Variants in NPSR1 observed in about 807,000 individuals in gnomAD.
NPSR1 encodes the protein neuropeptide S receptor 1, also known as neuropeptide S receptor.
Under a neutral mutation model 46.9 loss-of-function variants are expected in NPSR1, and 48 were observed. The ratio of observed to expected loss-of-function variants is 1.02; its 90% CI spans 0.81 to 1.30. The LOEUF is 1.30. Ranked by LOEUF, NPSR1 falls within the 50% of genes most tolerant of loss-of-function variation. The probability of loss-of-function intolerance (pLI) is 0.00; values close to 1 mark genes in which losing one functional copy is unlikely to be tolerated. For synonymous variants in NPSR1, 176 were observed against 168.1 expected (o/e 1.05, Z -0.36); for missense variants, 450 against 449.5 (o/e 1.00, Z -0.01).
chr7:34,801,784 T>C (rs1177049115), intron 3 of NPSR1, among the ~76,000 whole-genome samples: 1 of 149,044 alleles, frequency 6.7e-6, no homozygotes, highest in Non-Finnish European at 1.5e-5. Flanking sequence ...AAATTGTCCC[T>C]GTTTGCAGAT....
chr7:34,700,508 A>G (rs1186284948), intron 2 of NPSR1, among the ~76,000 whole-genome samples: 1 of 152,210 alleles, frequency 6.6e-6, no homozygotes, highest in Non-Finnish European at 1.5e-5. Flanking sequence ...AAGTAAGAGC[A>G]TGAAAAGATG....
intron 2 of NPSR1, among the ~76,000 whole-genome samples, chr7:34,773,149 T>C (rs1334024027): frequency 6.6e-6 from 1 of 152,166 alleles, no homozygotes; most frequent in African/African-American, 2.4e-5. Flanking sequence ...CTAAGACCTA[T>C]GTATACTTCC....
intron 2 of NPSR1, among the ~76,000 whole-genome samples, chr7:34,764,112 G>GAATCA (rs1554324770): frequency 1.3e-5 from 2 of 152,114 alleles, no homozygotes; most frequent in African/African-American, 2.4e-5. Context: ...ATGCAAAAAA[G>GAATCA]AATCAAATCA....
intron 1 of NPSR1, among the ~76,000 whole-genome samples, chr7:34,665,723 C>T (rs1037202976): frequency 2.6e-5 from 4 of 152,182 alleles, no homozygotes; most frequent in African/African-American, 9.7e-5. Flanking sequence ...CATCACTACC[C>T]TTCTGCTCCT....
At chr7:34,674,706 G>A (rs1409338007) in intron 1 of NPSR1, among the ~76,000 whole-genome samples, 1 of 152,090 alleles carries the variant, frequency 6.6e-6, no homozygotes, top group Non-Finnish European at 1.5e-5. Context: ...AAAACATGAG[G>A]GGCACGGAAA....
Position 34,790,861 on chromosome 7 carries a change from T to TATACATC in NPSR1, c.384+12299_384+12300insCATCATA, listed in dbSNP as rs1491335411. On this transcript the variant is annotated intron_variant, in intron 3 of 8. Coordinates refer to ENST00000360581, the MANE Select transcript of NPSR1 (RefSeq NM_207172.2). Reference sequence around the variant, plus strand: ...GTTATATATATGTTATATGTTATGTTATATATGTTATATGTTATATTATAT... The same window carrying TATACATC: ...GTTATATATATGTTATATGTTATGTTATACATCATATATGTTATATGTTATATTATAT... 8.5e-4 allele frequency among the ~76,000 whole-genome samples: 98 copies of TATACATC among 115,814 alleles called. 14 individuals are homozygous for TATACATC. The highest frequency in any genetic ancestry group is 1.2e-3 in the Non-Finnish European group (71 of 57,850). The allele number at this position is 115,814 out of a possible 152,430, so 76.0% of individuals were successfully genotyped here.
intron 2 of NPSR1, chr7:34,758,022 G>A (rs112797926): frequency 2.0e-5 from 3 of 152,610 alleles, no homozygotes; most frequent in African/African-American, 7.2e-5. Context: ...GACCATAACT[G>A]GTGTTTCAAT....
At chr7:34,792,629 G>A (rs571690806) in intron 3 of NPSR1, among the ~76,000 whole-genome samples, 1 of 103,296 alleles carries the variant, frequency 9.7e-6, no homozygotes, top group African/African-American at 3.3e-5. Context: ...ATATGTGTGT[G>A]TGTGTGTATG....
intron 2 of NPSR1, among the ~76,000 whole-genome samples, chr7:34,746,000 G>A (rs985954814): frequency 8.5e-5 from 13 of 152,146 alleles, no homozygotes; most frequent in African/African-American, 3.1e-4. Context: ...TATAAAAATA[G>A]TTTTTGCCTA....
chr7:34,786,386 A>G (rs141136307), intron 3 of NPSR1, among the ~76,000 whole-genome samples: 1 of 152,218 alleles, frequency 6.6e-6, no homozygotes, highest in East Asian at 1.9e-4. Flanking sequence ...TTCTCTTGCT[A>G]TTTCCACCAC....
At chr7:34,803,607 A>G (rs1788536214) in intron 3 of NPSR1, among the ~76,000 whole-genome samples, 2 of 151,974 alleles carry the variant, frequency 1.3e-5, no homozygotes, top group South Asian at 4.2e-4. Flanking sequence ...TAGGAGATAT[A>G]CCTAATGCTA....
chr7:34,829,250 C>A (rs1420885615), intron 5 of NPSR1, among the ~76,000 whole-genome samples: 2 of 152,204 alleles, frequency 1.3e-5, no homozygotes, highest in Non-Finnish European at 2.9e-5. Context: ...CACATAGTGA[C>A]CTCAAAAGCC....
intron 2 of NPSR1, among the ~76,000 whole-genome samples, chr7:34,731,244 G>A (rs1234138854): frequency 6.6e-6 from 1 of 151,906 alleles, no homozygotes. Flanking sequence ...TCAATAAGTA[G>A]AAGATAAATA....
At chr7:34,769,935 G>A (rs549147284) in intron 2 of NPSR1, among the ~76,000 whole-genome samples, 1 of 152,166 alleles carries the variant, frequency 6.6e-6, no homozygotes, top group Non-Finnish European at 1.5e-5. Flanking sequence ...TCATTTAGGA[G>A]CAGTTTATCT....
At chr7:34,685,861 C>G (rs1303577057) in intron 2 of NPSR1, 1 of 226,222 alleles carries the variant, frequency 4.4e-6, no homozygotes, top group Admixed American at 5.7e-5. Context: ...AAGATGGAAC[C>G]TGGGATGGGG....
At chr7:34,831,313 T>TCACACA (rs34669905) in intron 5 of NPSR1, among the ~76,000 whole-genome samples, 112 of 148,176 alleles carry the variant, frequency 7.6e-4, no homozygotes, top group African/African-American at 2.7e-3. Context: ...CTCACACACA[T>TCACACA]CACACACACA....
At chr7:34,682,252 C>T (rs1405228303) in intron 1 of NPSR1, among the ~76,000 whole-genome samples, 1 of 152,188 alleles carries the variant, frequency 6.6e-6, no homozygotes, top group African/African-American at 2.4e-5. Flanking sequence ...CACAGCACTG[C>T]CCTGGGCCAT....
chr7:34,792,859 G>A (rs941894705), intron 3 of NPSR1, among the ~76,000 whole-genome samples: 1 of 145,326 alleles, frequency 6.9e-6, no homozygotes, highest in Non-Finnish European at 1.5e-5. Flanking sequence ...ACTTCAGCCT[G>A]GGCAACAGAG....
chr7:34,782,039 C>T (rs568943491), intron 3 of NPSR1, among the ~76,000 whole-genome samples: 1 of 152,268 alleles, frequency 6.6e-6, no homozygotes, highest in Non-Finnish European at 1.5e-5. Flanking sequence ...GCACCTGTGC[C>T]CTGGGCAACA....
Sources: allele counts gnomAD v4.1 joint callset (sites outside exome capture counted in the v4.1 genomes callset), GRCh38; gene constraint gnomAD v4.1.1; transcripts MANE v1.5; gene names NCBI Gene and HGNC (gene_info 2026-07-23, HGNC 2026-07-21).